The following MGAT5B variants were observed in gnomAD, a reference collection of about 807,000 sequenced individuals.
MGAT5B encodes the protein alpha-1,6-mannosylglycoprotein 6-beta-N-acetylglucosaminyltransferase B.
A neutral mutation model predicts 95.1 loss-of-function variants in MGAT5B; 54 were observed. That is an observed-to-expected ratio of 0.57 (90% CI 0.46 to 0.71). MGAT5B has a LOEUF of 0.71. Among genes scored for constraint, MGAT5B ranks in the 30% least tolerant of loss-of-function variants. The probability of loss-of-function intolerance (pLI) is 0.00; values close to 1 mark genes in which losing one functional copy is unlikely to be tolerated. For synonymous variants in MGAT5B, 464 were observed against 451.0 expected (o/e 1.03, Z -0.36); for missense variants, 935 against 1,088.6 (o/e 0.86, Z 1.99).
At chr17:76,882,344 C>T (rs2145135486) in intron 3 of MGAT5B, 46 bp downstream of exon 3, 1 of 1,525,078 alleles carries the variant, frequency 6.6e-7, no homozygotes, top group South Asian at 1.3e-5. Context: ...GGAGCGGTGG[C>T]ACCTGCCACT....
intron 12 of MGAT5B, 34 bp from the exon 13 acceptor site, chr17:76,937,954 A>C: frequency 6.2e-7 from 1 of 1,607,714 alleles, no homozygotes; most frequent in African/African-American, 1.3e-5. Context: ...TGTGGTTTGC[A>C]TGTGGTTCCC....
In MGAT5B at chr17:76,869,365, A is replaced by T. The variant is rs768335327; in HGVS notation, c.68+268A>T. On this transcript the variant is annotated intron_variant, in intron 1 of 17. Transcript: ENST00000569840. The surrounding 1 kb of genome is among the most constrained non-coding windows in gnomAD (Gnocchi z 7.0). ...TGCAGAGGTAAGAATGGGGGCAGAAAACCCCCAGGTCGTGGTCCTGGGCCC... is the reference window on the plus strand; with the variant it reads ...TGCAGAGGTAAGAATGGGGGCAGAATACCCCCAGGTCGTGGTCCTGGGCCC... 5.5e-4 allele frequency among the ~76,000 whole-genome samples: 83 copies of T among 151,792 alleles called. No individual in the cohort carries two copies. Among genetic ancestry groups the T allele is most frequent in the Middle Eastern group, 3.4e-3 (1 of 294 alleles).
intron 3 of MGAT5B, among the ~76,000 whole-genome samples, chr17:76,892,319 A>G (rs1452948188): frequency 6.6e-6 from 1 of 152,196 alleles, no homozygotes; most frequent in Non-Finnish European, 1.5e-5. Flanking sequence ...AAGTGTTGGG[A>G]TTACGGGCGT....
Position 76,949,053 on chromosome 17 carries a change from G to A in MGAT5B, c.*215G>A. On this transcript the variant is annotated 3_prime_UTR_variant, in exon 18 of 18. Transcript: ENST00000569840. Reference sequence around the variant, plus strand: ...CCTGGGACCTCCCAGGCAGGCTCCGGTTCTCTCCTGGGGACTCACAGAAGC... The same window carrying A: ...CCTGGGACCTCCCAGGCAGGCTCCGATTCTCTCCTGGGGACTCACAGAAGC... 1.6e-6 allele frequency: 1 copy of A among 608,070 alleles called. No individual in the cohort carries two copies. Among genetic ancestry groups the A allele is most frequent in the Non-Finnish European group, 2.8e-6 (1 of 356,434 alleles). 37.7% of individuals were successfully genotyped at this position (608,070 alleles called of 1,614,324 possible).
rs754147303 is a variant in MGAT5B at position 76,905,232 on chromosome 17, A to G, written c.754A>G (p.Ile252Val). Reference sequence around the variant, plus strand: ...GATGGGCAGCGGGAAGGAGTCCCTGATCTTCATGAAGAAGCGGACCAAGAG... The same window carrying G: ...GATGGGCAGCGGGAAGGAGTCCCTGGTCTTCATGAAGAAGCGGACCAAGAG... ...DLMGSGKESL[I>V]FMKKRTKRLT... is the part of the protein sequence containing the mutation. Residue 252 changes from isoleucine to valine, a missense_variant, in exon 7 of 18, where the codon ATC becomes GTC. Coordinates refer to ENST00000569840, the MANE Select transcript of MGAT5B (RefSeq NM_001199172.2). This position sits in a 1 kb window ranked among gnomAD's most constrained non-coding sequence, Gnocchi z 4.2. 47 of 1,613,594 alleles carry G rather than the reference A, an allele frequency of 2.9e-5. No individual in the cohort carries two copies. The highest frequency in any genetic ancestry group is 4.0e-5 in the Non-Finnish European group (47 of 1,179,760).
In MGAT5B at chr17:76,883,580, C is replaced by T. The variant is rs564285941; in HGVS notation, c.329+1282C>T. ...CGGGAGGTCAGGCTGTCCCAACTGG[C>T]CCCTAGAGGTGGATGTGGAAGGAGG... On this transcript the variant is annotated intron_variant, in intron 3 of 17. Coordinates refer to ENST00000569840, the MANE Select transcript of MGAT5B (RefSeq NM_001199172.2). Among the ~76,000 whole-genome samples, 3 of 152,240 alleles carry T rather than the reference C, an allele frequency of 2.0e-5. No individual in the cohort carries two copies. The South Asian group carries it at 6.2e-4, about 32-fold the overall frequency.
rs1372572021 is a variant in MGAT5B, at chr17:76,914,651, T to A, written c.1025+8464T>A. Among the ~76,000 whole-genome samples the A allele has an allele frequency of 6.6e-6, 1 of 152,038 alleles. No individual in the cohort carries two copies. The highest frequency in any genetic ancestry group is 2.4e-5 in the African/African-American group (1 of 41,374). On this transcript the variant is annotated intron_variant, in intron 8 of 17. Coordinates refer to ENST00000569840, the MANE Select transcript of MGAT5B (RefSeq NM_001199172.2). This position sits in a 1 kb window ranked among gnomAD's most constrained non-coding sequence, Gnocchi z 5.1. ...TCCACATTTCTTCTTCCTCTTTTTT[T>A]TTTTTTGAGACAGAGTCTTGCCCTG...
chr17:76,919,359 A>G (rs920295560), intron 8 of MGAT5B, among the ~76,000 whole-genome samples: 4 of 152,204 alleles, frequency 2.6e-5, no homozygotes, highest in Admixed American at 2.6e-4. Flanking sequence ...ATGGGACCTC[A>G]GCCCCTCTGG....
In MGAT5B at chr17:76,918,188, C is replaced by CCA. The variant is rs1555595879; in HGVS notation, c.1026-6777_1026-6776dup. On this transcript the variant is annotated intron_variant, in intron 8 of 17. Coordinates refer to ENST00000569840, the MANE Select transcript of MGAT5B (RefSeq NM_001199172.2). The surrounding 1 kb of genome is among the most constrained non-coding windows in gnomAD (Gnocchi z 5.1). Reference sequence around the variant, plus strand: ...CAGTTTCCCTTTCGGAGGCTCCCCCCCAACAACTGCACGCCTTGTACCGCA... The same window carrying CCA: ...CAGTTTCCCTTTCGGAGGCTCCCCCCCACAACAACTGCACGCCTTGTACCGCA... 6.6e-6 allele frequency among the ~76,000 whole-genome samples: 1 copy of CCA among 152,110 alleles called. No homozygotes were observed. The highest frequency in any genetic ancestry group is 1.9e-4 in the East Asian group (1 of 5,182).
At position 76,882,265 on chromosome 17, in the gene MGAT5B, G is replaced by A. The variant is rs780552431; in HGVS notation, c.296G>A (p.Arg99Gln). 12 of 1,612,926 alleles carry A rather than the reference G, an allele frequency of 7.4e-6. No individual in the cohort carries two copies. Among genetic ancestry groups the A allele is most frequent in the Admixed American group, 5.0e-5 (3 of 59,954 alleles). ...CTGGAGAACAGCAGTGAGCTGCACC[G>A]GGCCGGCGGCGACCTGCACTTTCCC... The part of the protein sequence containing the change: ...ARLENSSELH[R>Q]AGGDLHFPAD... The change falls in exon 3 of 18, where the codon CGG becomes CAG. Residue 99 changes from arginine (R) to glutamine (Q), a missense_variant. Transcript: ENST00000569840.
chr17:76,911,569 C>T (rs1968739182), intron 8 of MGAT5B, among the ~76,000 whole-genome samples: 1 of 152,226 alleles, frequency 6.6e-6, no homozygotes, highest in South Asian at 2.1e-4. Context: ...TTGTGCCACA[C>T]ACTTTCTTGG....
chr17:76,898,687 AT>A (rs1038311887), intron 3 of MGAT5B, among the ~76,000 whole-genome samples: 3 of 151,796 alleles, frequency 2.0e-5, no homozygotes, highest in African/African-American at 4.8e-5. Context: ...GTAGCTTAGT[AT>A]TTTTTTTATG....
At chr17:76,911,888 G>A (rs998874541) in intron 8 of MGAT5B, among the ~76,000 whole-genome samples, 1 of 152,216 alleles carries the variant, frequency 6.6e-6, no homozygotes, top group African/African-American at 2.4e-5. Flanking sequence ...GGAGCGTGCT[G>A]CAAGTCCAAG....
rs565084583 is a variant in MGAT5B at position 76,905,478 on chromosome 17, C to T, written c.855+145C>T. Reference sequence around the variant, plus strand: ...GAGAGAGGGGTAGGGATGGCAGAGTCGGGATAGATGTCTGTGGTGGTGGCC... The same window carrying T: ...GAGAGAGGGGTAGGGATGGCAGAGTTGGGATAGATGTCTGTGGTGGTGGCC... On this transcript the variant is annotated intron_variant, in intron 7 of 17. Coordinates refer to ENST00000569840, the MANE Select transcript of MGAT5B (RefSeq NM_001199172.2). The surrounding 1 kb of genome is among the most constrained non-coding windows in gnomAD (Gnocchi z 4.2). 4.9e-4 allele frequency: 381 copies of T among 783,186 alleles called. 2 individuals carry two copies. The African/African-American group carries it at 6.0e-3, about 12-fold the overall frequency. 48.5% of individuals were successfully genotyped at this position (783,186 alleles called of 1,614,324 possible). A position where few individuals can be genotyped will look rare whatever the true frequency, so the allele number is the denominator to read the frequency against.
chr17:76,909,763 T>C (rs577226439), intron 8 of MGAT5B, among the ~76,000 whole-genome samples: 1 of 152,334 alleles, frequency 6.6e-6, no homozygotes, highest in African/African-American at 2.4e-5. Context: ...TGGGTCTGGA[T>C]TGTGTTGCTT....
At position 76,889,664 on chromosome 17, in the gene MGAT5B, T is replaced by C. The variant is rs148952535; in HGVS notation, c.329+7366T>C. On this transcript the variant is annotated intron_variant, in intron 3 of 17. Coordinates refer to ENST00000569840, the MANE Select transcript of MGAT5B (RefSeq NM_001199172.2). This position sits in a 1 kb window ranked among gnomAD's most constrained non-coding sequence, Gnocchi z 4.4. ...TCATCATAATAATTAATGATGATAA[T>C]AATCAATGACAATAGCAAATAATAA... Among the ~76,000 whole-genome samples the C allele has an allele frequency of 2.0e-3, 296 of 151,508 alleles. 1 individual carries two copies. Among genetic ancestry groups the C allele is most frequent in the South Asian group, 6.2e-3 (30 of 4,808 alleles).
Position 76,905,523 on chromosome 17 carries a change from G to A in MGAT5B, c.855+190G>A, listed in dbSNP as rs1459639775. Among the ~76,000 whole-genome samples, 1 of 152,210 alleles carries A rather than the reference G, an allele frequency of 6.6e-6. No individual in the cohort carries two copies. Among genetic ancestry groups the A allele is most frequent in the Non-Finnish European group, 1.5e-5 (1 of 68,036 alleles). On this transcript the variant is annotated intron_variant, in intron 7 of 17. Coordinates refer to ENST00000569840, the MANE Select transcript of MGAT5B (RefSeq NM_001199172.2). This position sits in a 1 kb window ranked among gnomAD's most constrained non-coding sequence, Gnocchi z 4.2. ...GTGGCCCCTGGCCCTTTTCAAGGTT[G>A]GGACCAAATGACAAGCCCCCAAGAG... is the stretch of plus-strand genomic sequence containing the variant.
In MGAT5B at chr17:76,915,231, G is replaced by T. The variant is rs958132965; in HGVS notation, c.1025+9044G>T. Among the ~76,000 whole-genome samples, 1 of 152,000 alleles carries T rather than the reference G, an allele frequency of 6.6e-6. No individual in the cohort carries two copies. The highest frequency in any genetic ancestry group is 1.5e-5 in the Non-Finnish European group (1 of 68,006). On this transcript the variant is annotated intron_variant, in intron 8 of 17. Transcript: ENST00000569840. The surrounding 1 kb of genome is among the most constrained non-coding windows in gnomAD (Gnocchi z 8.7). The stretch of plus-strand genomic sequence containing the variant: ...GAGGGAGAGAGTATTGCTGGCAGTG[G>T]CTTCAGGGGAGGGTCCCAGGAGGAG...
chr17:76,940,854 AG>A lies in MGAT5B; in HGVS notation c.1848+7del, dbSNP rs1567825905. On this transcript the variant is annotated splice_region_variant and intron_variant, in intron 15 of 17. Coordinates refer to ENST00000569840, the MANE Select transcript of MGAT5B (RefSeq NM_001199172.2). The surrounding 1 kb of genome is among the most constrained non-coding windows in gnomAD (Gnocchi z 4.3). ...AGGCCATTATGAGAACTCAGGTGAG[AG>A]CAGCCACATACAGTTGAGACCCCCC... The A allele has an allele frequency of 6.2e-7, 1 of 1,608,748 alleles. No individual in the cohort carries two copies. The highest frequency in any genetic ancestry group is 1.1e-5 in the South Asian group (1 of 90,982).
Sources: gnomAD v4.1 joint callset for allele counts (sites outside exome capture counted in the v4.1 genomes callset) on GRCh38, gnomAD v4.1.1 for gene constraint, Gnocchi (gnomAD v3.1) non-coding constraint, MANE v1.5 for transcripts, NCBI Gene and HGNC (gene_info 2026-07-23, HGNC 2026-07-21) for gene names.